The following KCNH7 variants were observed in gnomAD, a reference collection of about 807,000 sequenced individuals.
The protein encoded by KCNH7 is voltage-gated inwardly rectifying potassium channel KCNH7.
A neutral mutation model predicts 120.8 loss-of-function variants in KCNH7; 49 were observed. The ratio of observed to expected loss-of-function variants is 0.41; its 90% CI spans 0.32 to 0.51. The LOEUF (loss-of-function observed/expected upper bound fraction) is 0.51, where lower values mean the gene tolerates loss of function less well. Among genes scored for constraint, KCNH7 ranks in the 20% least tolerant of loss-of-function variants. The probability of loss-of-function intolerance (pLI) is 0.38; values close to 1 mark genes in which losing one functional copy is unlikely to be tolerated. For synonymous variants in KCNH7, 547 were observed against 516.1 expected (o/e 1.06, Z -0.81); for missense variants, 1,097 against 1,446.6 (o/e 0.76, Z 3.92).
chr2:162,829,338 A>G (rs1430119963), intron 2 of KCNH7, among the ~76,000 whole-genome samples: 1 of 152,172 alleles, frequency 6.6e-6, no homozygotes, highest in Non-Finnish European at 1.5e-5. Context: ...TTCAATTGCC[A>G]TTATTGTATA....
chr2:162,404,601 C>T (rs1208063557), intron 9 of KCNH7, among the ~76,000 whole-genome samples: 2 of 151,902 alleles, frequency 1.3e-5, no homozygotes, highest in Non-Finnish European at 1.5e-5. Context: ...CTCTCTTGCT[C>T]CTGCTCCTGC....
At chr2:162,775,433 T>G (rs1683199489) in intron 2 of KCNH7, among the ~76,000 whole-genome samples, 1 of 152,152 alleles carries the variant, frequency 6.6e-6, no homozygotes, top group Admixed American at 6.5e-5. Context: ...GAGGCATTGA[T>G]GAGTTGTGGT....
At chr2:162,715,249 A>T (rs931019173) in intron 2 of KCNH7, among the ~76,000 whole-genome samples, 2 of 152,176 alleles carry the variant, frequency 1.3e-5, no homozygotes, top group African/African-American at 4.8e-5. Context: ...TGAAGTGGGA[A>T]TAGGCATTTC....
Position 162,838,524 on chromosome 2 carries a change from C to A in KCNH7, c.-6G>T, listed in dbSNP as rs752936868. The A allele has an allele frequency of 1.9e-6, 3 of 1,610,358 alleles. No homozygotes were observed. The highest frequency in any genetic ancestry group is 1.7e-6 in the Non-Finnish European group (2 of 1,178,638). ...TGCCCCCTGCGCACAGGCATGTTGG[C>A]CCCGGTCTTCCGAGGAGCGCTCCCC... On this transcript the variant is annotated 5_prime_UTR_variant, in exon 1 of 16. Transcript: ENST00000332142.
intron 2 of KCNH7, among the ~76,000 whole-genome samples, chr2:162,727,096 G>C (rs1273822317): frequency 1.3e-5 from 2 of 152,086 alleles, no homozygotes; most frequent in African/African-American, 2.4e-5. Flanking sequence ...GCACTACAGA[G>C]TTTTTACTTA....
At chr2:162,417,553 A>T (rs1405877768) in intron 9 of KCNH7, among the ~76,000 whole-genome samples, 1 of 152,220 alleles carries the variant, frequency 6.6e-6, no homozygotes, top group Non-Finnish European at 1.5e-5. Context: ...TTATTAATAA[A>T]TGGAGAAACT....
At chr2:162,519,650 C>T (rs954295800) in intron 3 of KCNH7, among the ~76,000 whole-genome samples, 1 of 151,620 alleles carries the variant, frequency 6.6e-6, no homozygotes, top group African/African-American at 2.4e-5. Flanking sequence ...AATCTGTAAC[C>T]CAAAGCTTCT....
chr2:162,428,462 T>C (rs950832313), intron 8 of KCNH7, among the ~76,000 whole-genome samples: 5 of 151,864 alleles, frequency 3.3e-5, no homozygotes, highest in Admixed American at 6.6e-5. Context: ...GCATATGGCT[T>C]GTCTACTGGT....
chr2:162,695,021 G>A (rs1438481896), intron 2 of KCNH7, among the ~76,000 whole-genome samples: 1 of 152,110 alleles, frequency 6.6e-6, no homozygotes, highest in African/African-American at 2.4e-5. Context: ...GATTACAGGT[G>A]TGAGAAAGTG....
rs997156932 is a variant in KCNH7 at position 162,777,917 on chromosome 2, T to A, written c.307+58620A>T. Among the ~76,000 whole-genome samples the A allele has an allele frequency of 5.2e-4, 79 of 152,182 alleles. 1 individual carries two copies. The highest frequency in any genetic ancestry group is 3.0e-3 in the Admixed American group (46 of 15,268). On this transcript the variant is annotated intron_variant, in intron 2 of 15. Transcript: ENST00000332142. The stretch of plus-strand genomic sequence containing the variant: ...ATGTAATAAGTTGAAGCAGATTTTA[T>A]ATAATTTATAAGACTGGTTATTATC...
At chr2:162,629,366 G>A (rs572352950) in intron 2 of KCNH7, among the ~76,000 whole-genome samples, 3 of 152,192 alleles carry the variant, frequency 2.0e-5, no homozygotes, top group Admixed American at 6.5e-5. Flanking sequence ...CGCTGTCAGA[G>A]GAAATGTAAA....
intron 8 of KCNH7, 135 bp downstream of exon 8, chr2:162,435,063 G>C (rs571421406): frequency 9.0e-6 from 7 of 780,254 alleles, no homozygotes; most frequent in South Asian, 4.0e-5. Context: ...ATGGAATACA[G>C]TACCCATATA....
intron 2 of KCNH7, among the ~76,000 whole-genome samples, chr2:162,605,971 C>T (rs919906383): frequency 3.3e-5 from 5 of 151,946 alleles, no homozygotes; most frequent in Non-Finnish European, 5.9e-5. Context: ...CTCCAATATG[C>T]CAAGACTTTT....
intron 8 of KCNH7, among the ~76,000 whole-genome samples, chr2:162,425,439 A>T (rs1687827807): frequency 6.6e-6 from 1 of 152,158 alleles, no homozygotes; most frequent in South Asian, 2.1e-4. Flanking sequence ...TTCTACATGA[A>T]GAAAAGGTGA....
At chr2:162,380,138 A>G in intron 13 of KCNH7, 117 bp from the exon 14 acceptor site, 1 of 1,226,680 alleles carries the variant, frequency 8.2e-7, no homozygotes, top group South Asian at 1.4e-5. Flanking sequence ...GAGACAGAGA[A>G]CCAAAAGTAT....
intron 3 of KCNH7, among the ~76,000 whole-genome samples, chr2:162,529,852 G>A (rs891151017): frequency 6.6e-6 from 1 of 151,830 alleles, no homozygotes; most frequent in Non-Finnish European, 1.5e-5. Flanking sequence ...AGACTTCAGT[G>A]AGAAAGTGTT....
chr2:162,523,814 T>A (rs1691611171), intron 3 of KCNH7, among the ~76,000 whole-genome samples: 1 of 151,984 alleles, frequency 6.6e-6, no homozygotes, highest in African/African-American at 2.4e-5. Flanking sequence ...ATCATTTCTA[T>A]AAATTCTTAG....
chr2:162,668,443 CT>C (rs925096294), intron 2 of KCNH7, among the ~76,000 whole-genome samples: 11 of 152,146 alleles, frequency 7.2e-5, no homozygotes, highest in African/African-American at 2.7e-4. Flanking sequence ...AAGGACAAGA[CT>C]TTTCATGAGA....
At chr2:162,581,875 C>T (rs73026653) in intron 2 of KCNH7, among the ~76,000 whole-genome samples, 3 of 151,768 alleles carry the variant, frequency 2.0e-5, no homozygotes, top group South Asian at 2.1e-4. Flanking sequence ...ACAAAGGGAC[C>T]CACCCACCCA....
Sources: gnomAD v4.1 joint callset for allele counts (sites outside exome capture counted in the v4.1 genomes callset) on GRCh38, gnomAD v4.1.1 for gene constraint, MANE v1.5 for transcripts, NCBI Gene and HGNC (gene_info 2026-07-23, HGNC 2026-07-21) for gene names.